SEM1: variants seen among roughly 807,000 people sequenced by gnomAD.
SEM1 encodes the protein SEM1 26S proteasome subunit.
In SEM1, 3 loss-of-function variants were observed where a neutral mutation model predicts 12.7. That is an observed-to-expected ratio of 0.24 (90% confidence interval 0.11 to 0.61). The LOEUF is 0.61. SEM1 is among the 20% of genes least tolerant of loss of function. The pLI, the probability that SEM1 is intolerant of heterozygous loss-of-function variation, is 0.88. For missense variants in SEM1, 59 were observed against 81.3 expected (o/e 0.73, Z 1.06); for synonymous variants, 30 against 27.8 (o/e 1.08, Z -0.25).
At chr7:96,677,346 T>C (rs1164148731) in intron 2 of SEM1, among the ~76,000 whole-genome samples, 2 of 152,146 alleles carry the variant, frequency 1.3e-5, no homozygotes, top group African/African-American at 4.8e-5. Context: ...ATCGTCATCT[T>C]TTCTTGGTAC....
downstream of SEM1, among the ~76,000 whole-genome samples, chr7:96,668,869 A>T (rs942234779): frequency 7.2e-5 from 11 of 152,186 alleles, no homozygotes; most frequent in Non-Finnish European, 1.6e-4. Flanking sequence ...GGTCCATCAG[A>T]CTAGTGTCCC....
intron 2 of SEM1, among the ~76,000 whole-genome samples, chr7:96,586,342 C>T (rs1806636238): frequency 6.6e-6 from 1 of 152,170 alleles, no homozygotes; most frequent in African/African-American, 2.4e-5. Flanking sequence ...AGAGGCTGTA[C>T]ATGTCCCAGC....
chr7:96,694,873 T>C lies in SEM1; in HGVS notation c.95A>G (p.Glu32Gly). 6.2e-7 allele frequency: 1 copy of C among 1,609,358 alleles called. No homozygotes were observed. ...FPAEDWAGLD[E>G]DEDAHVWEDN... ...CTCCCAGACATGTGCATCTTCATCT[T>C]CATCTAAGCCAGCCCAGTCTAAAAA... The change falls in exon 2 of 3, where the codon GAA (glutamate) becomes GGA (glycine). Residue 32 changes from glutamate to glycine, a missense_variant. Physicochemically the swap from Glu to Gly is moderately conservative, Grantham distance 98 (BLOSUM62 -2). Transcript: ENST00000248566.
chr7:96,594,397 A>AC lies in SEM1; in HGVS notation c.171-87700dup, dbSNP rs201575222. Among the ~76,000 whole-genome samples, 927 of 148,878 alleles carry AC rather than the reference A, an allele frequency of 6.2e-3. 8 individuals carry two copies. The highest frequency in any genetic ancestry group is 0.021 in the African/African-American group (869 of 40,608). ...CTCTGAGGATTCTGGGAATATGAAAACCCCCCCACCATTAAAAAAAAATTA... is the reference window on the plus strand; with the variant it reads ...CTCTGAGGATTCTGGGAATATGAAAACCCCCCCCACCATTAAAAAAAAATTA... On this transcript the variant is annotated intron_variant and NMD_transcript_variant, in intron 2 of 3. Transcript: ENST00000466986.
At position 96,510,057 on chromosome 7, in the gene SEM1, C is replaced by A. The variant is rs1212710761; in HGVS notation, c.171-3359G>T. Among the ~76,000 whole-genome samples, 3 of 152,026 alleles carry A rather than the reference C, an allele frequency of 2.0e-5. No individual in the cohort carries two copies. The East Asian group carries it at 5.8e-4, about 29-fold the overall frequency. ...AAATGGTTAAAGTGATACATTTTTT[C>A]TTACATATAAATTACCATAATAAAA... On this transcript the variant is annotated intron_variant and NMD_transcript_variant, in intron 2 of 3. Transcript: ENST00000466986.
At chr7:96,692,047 C>G (rs977027201) in intron 2 of SEM1, among the ~76,000 whole-genome samples, 1 of 152,110 alleles carries the variant, frequency 6.6e-6, no homozygotes, top group Non-Finnish European at 1.5e-5. Flanking sequence ...ATTTATATAC[C>G]TATAGAAATC....
At chr7:96,615,934 T>TA (rs1361335405) in intron 2 of SEM1, among the ~76,000 whole-genome samples, 3 of 152,246 alleles carry the variant, frequency 2.0e-5, no homozygotes, top group African/African-American at 7.2e-5. Context: ...ATTTTCTTCA[T>TA]ATAATCCTCC....
intron 2 of SEM1, among the ~76,000 whole-genome samples, chr7:96,547,550 G>A (rs999041297): frequency 1.3e-5 from 2 of 152,118 alleles, no homozygotes; most frequent in Non-Finnish European, 2.9e-5. Context: ...ATGACAATGT[G>A]CCTGACTGGC....
At chr7:96,568,778 G>A (rs1176737291) in intron 2 of SEM1, among the ~76,000 whole-genome samples, 2 of 151,612 alleles carry the variant, frequency 1.3e-5, no homozygotes, top group Non-Finnish European at 3.0e-5. Flanking sequence ...ATTTTACTGT[G>A]GATAAAATAA....
At chr7:96,598,514 A>T (rs1807077643) in intron 2 of SEM1, among the ~76,000 whole-genome samples, 1 of 152,020 alleles carries the variant, frequency 6.6e-6, no homozygotes, top group African/African-American at 2.4e-5. Context: ...TTTTACATTT[A>T]ATTAAGGTAA....
chr7:96,660,747 T>C (rs193197903), intron 2 of SEM1, among the ~76,000 whole-genome samples: 161 of 152,182 alleles, frequency 1.1e-3, no homozygotes, highest in African/African-American at 3.8e-3. Context: ...AAATCCATAT[T>C]CAACACCTGA....
chr7:96,496,373 A>ATT (rs1803261432), upstream of SEM1: 1 of 1,142,006 alleles, frequency 8.8e-7, no homozygotes, highest in Non-Finnish European at 1.2e-6. Flanking sequence ...TTCAAATGTA[A>ATT]TATAAAAGAG....
At chr7:96,707,185 C>A (rs958080879) in intron 1 of SEM1, among the ~76,000 whole-genome samples, 1 of 152,172 alleles carries the variant, frequency 6.6e-6, no homozygotes, top group African/African-American at 2.4e-5. Context: ...CCAGGCAATG[C>A]CAAGTCTGCT....
At chr7:96,576,520 A>C (rs1236596284) in intron 2 of SEM1, among the ~76,000 whole-genome samples, 1 of 152,068 alleles carries the variant, frequency 6.6e-6, no homozygotes, top group Non-Finnish European at 1.5e-5. Context: ...AATAATTTGA[A>C]AGGTGTATCA....
intron 2 of SEM1, among the ~76,000 whole-genome samples, chr7:96,693,094 A>C (rs1313103137): frequency 6.6e-6 from 1 of 152,074 alleles, no homozygotes; most frequent in Non-Finnish European, 1.5e-5. Flanking sequence ...TTATAGAGCC[A>C]ATAAAAAAAA....
At chr7:96,665,507 C>T (rs570010100) in intron 2 of SEM1, among the ~76,000 whole-genome samples, 1 of 152,256 alleles carries the variant, frequency 6.6e-6, no homozygotes, top group African/African-American at 2.4e-5. Flanking sequence ...AGTTAGTTCT[C>T]TATTTATAAA....
At chr7:96,488,829 CT>C (rs2117211746) in intron 1 of SEM1, among the ~76,000 whole-genome samples, 1 of 152,066 alleles carries the variant, frequency 6.6e-6, no homozygotes, top group South Asian at 2.1e-4. Context: ...GTGTATTGGC[CT>C]GTTTTGTTCT....
At chr7:96,634,145 T>G (rs950076259) in intron 2 of SEM1, among the ~76,000 whole-genome samples, 1 of 152,076 alleles carries the variant, frequency 6.6e-6, no homozygotes, top group Non-Finnish European at 1.5e-5. Flanking sequence ...CTATGAAAAT[T>G]GAGCAAATAA....
chr7:96,580,755 G>A (rs1402149113), intron 2 of SEM1, among the ~76,000 whole-genome samples: 1 of 152,024 alleles, frequency 6.6e-6, no homozygotes, highest in Non-Finnish European at 1.5e-5. Flanking sequence ...TTTTTTGGCT[G>A]CATAAATGTC....
Sources: gnomAD v4.1 joint callset for allele counts (sites outside exome capture counted in the v4.1 genomes callset) on GRCh38, gnomAD v4.1.1 for gene constraint, MANE v1.5 for transcripts, NCBI Gene and HGNC (gene_info 2026-07-23, HGNC 2026-07-21) for gene names.